Variants in CREBRF observed in about 807,000 individuals in gnomAD.
CREBRF encodes CREB3 regulatory factor.
CREBRF carries 5 observed loss-of-function variants against 66.1 expected under a neutral mutation model. The observed-to-expected ratio is 0.08, with a 90% CI of 0.04 to 0.16. The LOEUF is 0.16. Ranked by LOEUF, CREBRF falls within the 10% of genes least tolerant of loss-of-function variation. The pLI, the probability that CREBRF is intolerant of heterozygous loss-of-function variation, is 1.00. For synonymous variants in CREBRF, 229 were observed against 264.4 expected (o/e 0.87, Z 1.30); for missense variants, 531 against 744.9 (o/e 0.71, Z 3.34).
chr5:173,078,840 A>G (rs1345331659), intron 1 of CREBRF, among the ~76,000 whole-genome samples: 2 of 152,092 alleles, frequency 1.3e-5, no homozygotes, highest in African/African-American at 4.8e-5. Context: ...TATTGCTAGT[A>G]AGGTTAATTT....
chr5:173,116,511 C>A (rs1257629693), intron 7 of CREBRF, among the ~76,000 whole-genome samples: 3 of 152,186 alleles, frequency 2.0e-5, no homozygotes, highest in African/African-American at 7.2e-5. Flanking sequence ...GCTACTTTCA[C>A]TCAGCATAAT....
intron 1 of CREBRF, among the ~76,000 whole-genome samples, chr5:173,064,102 T>C (rs1002139824): frequency 1.3e-5 from 2 of 152,182 alleles, no homozygotes; most frequent in Admixed American, 6.5e-5. Flanking sequence ...AGATTCTTGT[T>C]GTACATATGT....
intron 8 of CREBRF, among the ~76,000 whole-genome samples, chr5:173,131,369 G>T (rs1181609370): frequency 6.6e-6 from 1 of 152,156 alleles, no homozygotes; most frequent in Non-Finnish European, 1.5e-5. Flanking sequence ...TTTCCCAGTT[G>T]TCTCAATAAT....
At chr5:173,088,189 A>T (rs186991827) in intron 3 of CREBRF, among the ~76,000 whole-genome samples, 2 of 148,842 alleles carry the variant, frequency 1.3e-5, no homozygotes, top group African/African-American at 4.9e-5. Flanking sequence ...ATAGCCACAC[A>T]CACCTGCAGC....
chr5:173,091,093 A>G lies in CREBRF; in HGVS notation c.914A>G (p.Gln305Arg). The G allele has an allele frequency of 2.5e-6, 4 of 1,614,208 alleles. No homozygotes were observed. Among genetic ancestry groups the G allele is most frequent in the Non-Finnish European group, 3.4e-6 (4 of 1,180,040 alleles). The change falls in exon 4 of 9, where the codon CAG becomes CGG. Residue 305 changes from glutamine (Q) to arginine (R), a missense_variant. Gln to Arg is a conservative substitution (Grantham distance 43). Coordinates refer to ENST00000296953, the MANE Select transcript of CREBRF (RefSeq NM_153607.3). ...TQELLLSPLP[Q>R]EGPGSLAAGE... ...GAACTATTACTAAGTCCCCTGCCCC[A>G]GGAAGGTCCTGGGTCACTTGCAGCA...
chr5:173,079,428 A>G (rs988063954), intron 1 of CREBRF, among the ~76,000 whole-genome samples: 1 of 151,014 alleles, frequency 6.6e-6, no homozygotes, highest in Non-Finnish European at 1.5e-5. Context: ...GGGCCACTGC[A>G]TTCCAGCCTG....
rs1483480047 is a variant in CREBRF, at chr5:173,137,460, A to G, written c.*3715A>G. ...TTTCTCTGACTTTCATGCATTTCTC[A>G]TACATCTTCTTTCTGATGCTTGACT... On this transcript the variant is annotated 3_prime_UTR_variant, in exon 9 of 9. Transcript: ENST00000296953. 2 of 152,032 alleles carry G rather than the reference A, an allele frequency of 1.3e-5. No individual in the cohort carries two copies. The highest frequency in any genetic ancestry group is 2.1e-4 in the South Asian group (1 of 4,834). 9.4% of individuals were successfully genotyped at this position (152,032 alleles called of 1,614,324 possible).
At chr5:173,092,861 G>A (rs919727527) in intron 4 of CREBRF, among the ~76,000 whole-genome samples, 1 of 152,184 alleles carries the variant, frequency 6.6e-6, no homozygotes, top group African/African-American at 2.4e-5. Context: ...GAATATGGAA[G>A]AAAAGGGATT....
At chr5:173,106,660 C>G (rs1362678836) in intron 4 of CREBRF, among the ~76,000 whole-genome samples, 1 of 152,120 alleles carries the variant, frequency 6.6e-6, no homozygotes, top group African/African-American at 2.4e-5. Context: ...GTGTACACTT[C>G]TATGAGTTTT....
At chr5:173,082,839 G>T (rs1268266010) in intron 2 of CREBRF, among the ~76,000 whole-genome samples, 1 of 141,408 alleles carries the variant, frequency 7.1e-6, no homozygotes, top group East Asian at 2.0e-4. Flanking sequence ...AACCCTGCGG[G>T]GGGAGGTTGC....
At chr5:173,125,834 C>T (rs565477915) in intron 8 of CREBRF, among the ~76,000 whole-genome samples, 1 of 152,256 alleles carries the variant, frequency 6.6e-6, no homozygotes, top group South Asian at 2.1e-4. Flanking sequence ...ACTGCGCTCC[C>T]GCCTGGGCGA....
Position 173,112,395 on chromosome 5 carries a change from TAAG to T in CREBRF, c.1681+20_1681+22del, listed in dbSNP as rs1758891350. Reference sequence around the variant, plus strand: ...ACAGAATATGGTAAACCTAAAGTTTTAAGAAGTTGATTAACCACCTATTGATTT... The same window carrying T: ...ACAGAATATGGTAAACCTAAAGTTTTAAGTTGATTAACCACCTATTGATTT... On this transcript the variant is annotated intron_variant, in intron 7 of 8. Coordinates refer to ENST00000296953, the MANE Select transcript of CREBRF (RefSeq NM_153607.3). The T allele has an allele frequency of 6.6e-7, 1 of 1,521,244 alleles. No homozygotes were observed. The highest frequency in any genetic ancestry group is 1.9e-5 in the Admixed American group (1 of 52,368). 94.2% of individuals were successfully genotyped at this position (1,521,244 alleles called of 1,614,324 possible).
At chr5:173,073,552 AACAACTTAATTGACAGAT>A (rs1757657104) in intron 1 of CREBRF, among the ~76,000 whole-genome samples, 1 of 152,252 alleles carries the variant, frequency 6.6e-6, no homozygotes, top group Non-Finnish European at 1.5e-5. Context: ...TTGTGCTCTG[AACAACTTAATTGACAGAT>A]ACCAAGGCTG....
At chr5:173,117,622 A>ACTCC (rs759267241) in intron 7 of CREBRF, among the ~76,000 whole-genome samples, 4,004 of 19,218 alleles carry the variant, frequency 0.21, 330 homozygotes, top group Non-Finnish European at 0.26. Flanking sequence ...TCCCTCCCTC[A>ACTCC]CTCCCTCCCT....
At chr5:173,086,479 A>T (rs765387706) in intron 2 of CREBRF, 22 bp from the exon 3 acceptor site, 10 of 1,610,188 alleles carry the variant, frequency 6.2e-6, no homozygotes, top group African/African-American at 1.3e-5. Context: ...AACTTTCTAA[A>T]ATAAAAATCA....
intron 4 of CREBRF, among the ~76,000 whole-genome samples, chr5:173,108,387 C>T (rs1394723423): frequency 2.0e-5 from 3 of 151,830 alleles, no homozygotes; most frequent in African/African-American, 7.3e-5. Context: ...TAAAAAGAAA[C>T]CCAAGGAAGA....
intron 7 of CREBRF, among the ~76,000 whole-genome samples, chr5:173,112,924 C>A (rs1054598384): frequency 1.3e-5 from 2 of 152,202 alleles, no homozygotes; most frequent in African/African-American, 4.8e-5. Context: ...GGCTTCTCTG[C>A]AGATCTTCTG....
intron 4 of CREBRF, among the ~76,000 whole-genome samples, chr5:173,097,400 A>G (rs1026129753): frequency 6.6e-6 from 1 of 152,060 alleles, no homozygotes. Flanking sequence ...ACTCACCACC[A>G]TGCCTGGCTA....
chr5:173,121,150 G>A (rs961898845), intron 7 of CREBRF, among the ~76,000 whole-genome samples: 5 of 152,160 alleles, frequency 3.3e-5, no homozygotes, highest in African/African-American at 1.2e-4. Flanking sequence ...TGATATGAGT[G>A]ATTGGTGTTG....
Sources: allele counts gnomAD v4.1 joint callset (sites outside exome capture counted in the v4.1 genomes callset), GRCh38; gene constraint gnomAD v4.1.1; transcripts MANE v1.5; gene names NCBI Gene and HGNC (gene_info 2026-07-23, HGNC 2026-07-21).